The following PAFAH1B1 variants were observed in gnomAD, a reference collection of about 807,000 sequenced individuals.
The protein encoded by PAFAH1B1 is platelet activating factor acetylhydrolase 1b regulatory subunit 1, also known as platelet-activating factor acetylhydrolase IB subunit beta.
PAFAH1B1 carries 2 observed loss-of-function variants against 57.5 expected under a neutral mutation model. The ratio of observed to expected loss-of-function variants is 0.03; its 90% CI spans 0.01 to 0.11. The LOEUF (loss-of-function observed/expected upper bound fraction) is 0.11. PAFAH1B1 is among the 10% of genes least tolerant of loss of function. PAFAH1B1 has a pLI of 1.00. For synonymous variants in PAFAH1B1, 152 were observed against 169.6 expected (o/e 0.90, Z 0.81); for missense variants, 257 against 512.0 (o/e 0.50, Z 4.81).
At chr17:2,654,190 CTT>C (rs34079979) in intron 2 of PAFAH1B1, among the ~76,000 whole-genome samples, 1,434 of 136,018 alleles carry the variant, frequency 0.011, no homozygotes, top group Middle Eastern at 0.015. Context: ...TCTTTTAAAC[CTT>C]TTTTTTTTTT....
chr17:2,596,652 A>G (rs761379527), intron 1 of PAFAH1B1, among the ~76,000 whole-genome samples: 2 of 152,296 alleles, frequency 1.3e-5, no homozygotes, highest in African/African-American at 4.8e-5. Flanking sequence ...TCTTTTTAAT[A>G]TGATTAGAAA....
At chr17:2,676,393 C>A in intron 8 of PAFAH1B1, 112 bp from the exon 9 acceptor site, 1 of 759,026 alleles carries the variant, frequency 1.3e-6, no homozygotes, top group Non-Finnish European at 2.3e-6. Context: ...AAACAAAAAA[C>A]CAAAATGCAA....
chr17:2,632,847 T>C (rs2068572596), intron 1 of PAFAH1B1, among the ~76,000 whole-genome samples: 1 of 152,210 alleles, frequency 6.6e-6, no homozygotes, highest in Non-Finnish European at 1.5e-5. Flanking sequence ...ACCAAAATCC[T>C]GGAGGTCCTA....
At chr17:2,675,538 AC>A (rs2069249122) in intron 8 of PAFAH1B1, among the ~76,000 whole-genome samples, 7 of 151,956 alleles carry the variant, frequency 4.6e-5, no homozygotes, top group African/African-American at 1.7e-4. Flanking sequence ...GTGGTGGCTC[AC>A]GCCTGTAATC....
chr17:2,617,723 G>A (rs1044381923), intron 1 of PAFAH1B1, among the ~76,000 whole-genome samples: 2 of 150,022 alleles, frequency 1.3e-5, no homozygotes, highest in African/African-American at 4.9e-5. Flanking sequence ...TTTGAGACCA[G>A]CACAGACAAC....
chr17:2,632,614 C>T (rs747645942), intron 1 of PAFAH1B1, among the ~76,000 whole-genome samples: 4 of 151,868 alleles, frequency 2.6e-5, no homozygotes, highest in African/African-American at 7.3e-5. Context: ...AATTCAATCC[C>T]GGATAGAAAA....
chr17:2,641,998 A>G (rs569103307), intron 2 of PAFAH1B1: 1 of 152,298 alleles, frequency 6.6e-6, no homozygotes, highest in African/African-American at 2.4e-5. Flanking sequence ...TAGATGCTAC[A>G]AAGAAAATTA....
At chr17:2,661,751 G>C (rs1156698305) in intron 2 of PAFAH1B1, among the ~76,000 whole-genome samples, 1 of 152,068 alleles carries the variant, frequency 6.6e-6, no homozygotes, top group African/African-American at 2.4e-5. Context: ...AATGGTTACG[G>C]AACTCTTAGA....
intron 8 of PAFAH1B1, 49 bp downstream of exon 8, chr17:2,674,337 T>G: frequency 5.1e-6 from 7 of 1,376,814 alleles, no homozygotes; most frequent in Non-Finnish European, 6.2e-6. Context: ...ATATCTGAAG[T>G]CCTTAGATAA....
chr17:2,651,833 G>C (rs1315762610), intron 2 of PAFAH1B1, among the ~76,000 whole-genome samples: 2 of 152,022 alleles, frequency 1.3e-5, no homozygotes, highest in African/African-American at 4.8e-5. Context: ...TAATTGATGA[G>C]CCAACATTGA....
At chr17:2,613,510 G>T (rs1462354760) in intron 1 of PAFAH1B1, 1 of 251,936 alleles carries the variant, frequency 4.0e-6, no homozygotes, top group Non-Finnish European at 8.0e-6. Context: ...AGAAGATGTG[G>T]CCCAGGCGCC....
chr17:2,619,648 A>G (rs1265826223), intron 1 of PAFAH1B1, among the ~76,000 whole-genome samples: 1 of 152,084 alleles, frequency 6.6e-6, no homozygotes, highest in African/African-American at 2.4e-5. Context: ...TTAGTTTATA[A>G]AATTTGTTTA....
chr17:2,672,687 A>G lies in PAFAH1B1; in HGVS notation c.601A>G (p.Met201Val), dbSNP rs780076557. 2 of 1,613,496 alleles carry G rather than the reference A, an allele frequency of 1.2e-6. No individual in the cohort carries two copies. Among genetic ancestry groups the G allele is most frequent in the South Asian group, 2.2e-5 (2 of 91,064 alleles). ...CCACAATGTTTCTTCAGTAGCCATC[A>G]TGCCCAATGGAGATCATATAGTGTC... ...HDHNVSSVAI[M>V]PNGDHIVSAS... Residue 201 changes from methionine (M) to valine (V), a missense_variant, in exon 7 of 11, where the codon ATG becomes GTG. Coordinates refer to ENST00000397195, the MANE Select transcript of PAFAH1B1 (RefSeq NM_000430.4).
intron 1 of PAFAH1B1, among the ~76,000 whole-genome samples, chr17:2,597,384 C>A (rs997014359): frequency 2.3e-5 from 3 of 129,694 alleles, no homozygotes; most frequent in Non-Finnish European, 5.0e-5. Flanking sequence ...TTATGCTTTT[C>A]TAGCTAGAAC....
chr17:2,645,607 TTA>T (rs547321119), intron 2 of PAFAH1B1, among the ~76,000 whole-genome samples: 3 of 141,650 alleles, frequency 2.1e-5, no homozygotes, highest in Non-Finnish European at 1.5e-5. Flanking sequence ...ATATATATAT[TTA>T]TATATATATA....
At chr17:2,650,639 CAAAAAAAAAAAA>C (rs10582467) in intron 2 of PAFAH1B1, among the ~76,000 whole-genome samples, 8 of 108,838 alleles carry the variant, frequency 7.4e-5, no homozygotes, top group East Asian at 2.9e-4. Context: ...GACTCTGTCT[CAAAAAAAAAAAA>C]AAAAAAAAAG....
At chr17:2,641,192 C>T (rs2068690561) in intron 2 of PAFAH1B1, 1 of 152,098 alleles carries the variant, frequency 6.6e-6, no homozygotes, top group Admixed American at 6.6e-5. Flanking sequence ...CTCTATTACC[C>T]AGGCTGGAGT....
intron 9 of PAFAH1B1, 124 bp from the exon 10 acceptor site, chr17:2,680,040 C>G (rs1459889917): frequency 4.4e-6 from 4 of 909,252 alleles, no homozygotes; most frequent in Non-Finnish European, 7.2e-6. Flanking sequence ...CTAGAATCCC[C>G]TAGACTTTTA....
intron 1 of PAFAH1B1, chr17:2,635,287 A>G (rs925834203): frequency 3.9e-5 from 6 of 152,162 alleles, no homozygotes; most frequent in East Asian, 1.9e-4. Context: ...CAGTACACCA[A>G]TATATTTAAT....
Sources: allele counts gnomAD v4.1 joint callset (sites outside exome capture counted in the v4.1 genomes callset), GRCh38; gene constraint gnomAD v4.1.1; transcripts MANE v1.5; gene names NCBI Gene and HGNC (gene_info 2026-07-23, HGNC 2026-07-21).